Variants in PROSER3 observed in about 807,000 individuals in gnomAD.
The protein encoded by PROSER3 is proline and serine rich 3.
A neutral mutation model predicts 50.2 loss-of-function variants in PROSER3; 33 were observed. The ratio of observed to expected loss-of-function variants is 0.66; its 90% confidence interval spans 0.50 to 0.88. The LOEUF is 0.88. Among genes scored for constraint, PROSER3 ranks in the 40% least tolerant of loss-of-function variants. The probability of loss-of-function intolerance (pLI) is 0.00; values close to 1 mark genes in which losing one functional copy is unlikely to be tolerated. For synonymous variants in PROSER3, 266 were observed against 259.3 expected (o/e 1.03, Z -0.25); for missense variants, 623 against 612.7 (o/e 1.02, Z -0.18).
At chr19:35,758,407 G>C in intron 1 of PROSER3, 181 bp downstream of exon 1, 1 of 729,348 alleles carries the variant, frequency 1.4e-6, no homozygotes, top group Non-Finnish European at 2.1e-6. Flanking sequence ...TAGCATCCCG[G>C]GGGTCCCCTA....
Position 35,762,094 on chromosome 19 carries a change from CTT to C in PROSER3, c.390_391del (p.Phe130LeufsTer6). 2.5e-6 allele frequency: 4 copies of C among 1,611,048 alleles called. No individual in the cohort carries two copies. The highest frequency in any genetic ancestry group is 3.4e-6 in the Non-Finnish European group (4 of 1,177,544). ...AGCCTGCAGGCCCAACCCCAGCTGA[CTT>C]TTGGTGGCTGCAGTCTGACTCTCCA... On this transcript the variant is annotated frameshift_variant, in exon 4 of 11. Coordinates refer to ENST00000396908, the Ensembl canonical transcript of PROSER3. LOFTEE classifies it high-confidence loss of function.
intron 5 of PROSER3, among the ~76,000 whole-genome samples, chr19:35,764,581 A>C (rs1971073395): frequency 6.6e-6 from 1 of 151,806 alleles, no homozygotes; most frequent in Non-Finnish European, 1.5e-5. Flanking sequence ...GCTTGAACCC[A>C]GGAGATGGAG....
At position 35,762,134 on chromosome 19, in the gene PROSER3, C is replaced by T. The variant is rs1970973065; in HGVS notation, c.427C>T (p.Gln143Ter). 6.3e-7 allele frequency: 1 copy of T among 1,599,260 alleles called. No homozygotes were observed. The highest frequency in any genetic ancestry group is 1.1e-5 in the South Asian group (1 of 90,524). Residue 143 changes from glutamine (Q) to a stop codon, truncating the protein, a stop_gained, in exon 4 of 11, where the codon CAA (glutamine) becomes TAA (stop). Transcript: ENST00000396908. LOFTEE classifies it high-confidence loss of function. Reference sequence around the variant, plus strand: ...GTCTGACTCTCCAGACCCCAGCAGTCAAAGTGCAGCAGGTACCTCTTTCAG... The same window carrying T: ...GTCTGACTCTCCAGACCCCAGCAGTTAAAGTGCAGCAGGTACCTCTTTCAG...
At chr19:35,760,273 A>G (rs1452127618) in intron 3 of PROSER3, among the ~76,000 whole-genome samples, 1 of 152,072 alleles carries the variant, frequency 6.6e-6, no homozygotes, top group African/African-American at 2.4e-5. Context: ...GCTGGAGGTC[A>G]GTGGTACAAT....
intron 2 of PROSER3, 154 bp downstream of exon 2, chr19:35,759,624 T>C: frequency 1.0e-6 from 1 of 971,716 alleles, no homozygotes; most frequent in East Asian, 2.6e-5. Flanking sequence ...TCCCCCTCTC[T>C]ACCACCTGGA....
At chr19:35,763,621 A>G (rs1196696355) in intron 5 of PROSER3, among the ~76,000 whole-genome samples, 1 of 146,582 alleles carries the variant, frequency 6.8e-6, no homozygotes, top group Non-Finnish European at 1.5e-5. Flanking sequence ...CTCCTGCCTC[A>G]GCCTCCCGAG....
intron 1 of PROSER3, 47 bp downstream of exon 1, chr19:35,758,273 C>G: frequency 6.4e-7 from 1 of 1,552,286 alleles, no homozygotes; most frequent in Non-Finnish European, 8.7e-7. Context: ...TGGGGAGGAC[C>G]AACGGCGAGA....
At chr19:35,765,476 A>G (rs770939502) in intron 7 of PROSER3, among the ~76,000 whole-genome samples, 8 of 151,482 alleles carry the variant, frequency 5.3e-5, no homozygotes, top group Non-Finnish European at 1.2e-4. Context: ...GCTACTCAGT[A>G]GGCTGAGGCA....
At chr19:35,766,652 G>T in intron 7 of PROSER3, 116 bp from the exon 8 acceptor site, 1 of 703,502 alleles carries the variant, frequency 1.4e-6, no homozygotes. Context: ...GACAGTATCT[G>T]GAGAGCCTGT....
chr19:35,766,209 T>C (rs1337180433), intron 7 of PROSER3, among the ~76,000 whole-genome samples: 1 of 152,012 alleles, frequency 6.6e-6, no homozygotes, highest in Non-Finnish European at 1.5e-5. Context: ...TGTCTTCTGG[T>C]CACTGCTGTA....
At chr19:35,767,737 A>G (rs562709481) in intron 8 of PROSER3, 2 of 1,540,626 alleles carry the variant, frequency 1.3e-6, no homozygotes, top group African/African-American at 2.7e-5. Context: ...GATCTCCGAA[A>G]GTCCAGGCCA....
At chr19:35,768,536 A>T in exon 11 of PROSER3, 1 of 1,593,350 alleles carries the variant, frequency 6.3e-7, no homozygotes, top group Non-Finnish European at 8.5e-7. Flanking sequence ...TGGAGGCCAG[A>T]AGACTTTGAA....
At chr19:35,764,540 C>T (rs571318850) in intron 5 of PROSER3, among the ~76,000 whole-genome samples, 1 of 152,066 alleles carries the variant, frequency 6.6e-6, no homozygotes, top group Admixed American at 6.5e-5. Context: ...CCTGTAATCC[C>T]AGGTACTTGG....
intron 7 of PROSER3, 56 bp from the exon 8 acceptor site, chr19:35,766,712 G>T: frequency 7.6e-7 from 1 of 1,310,710 alleles, no homozygotes; most frequent in African/African-American, 1.5e-5. Flanking sequence ...GCTGTCCTGG[G>T]GTTGCTGATC....
At chr19:35,767,799 C>G in intron 8 of PROSER3, 1 of 1,607,694 alleles carries the variant, frequency 6.2e-7, no homozygotes, top group Non-Finnish European at 8.5e-7. Context: ...CAGTGTCGGG[C>G]CAAGGCCGAG....
intron 8 of PROSER3, 41 bp from the exon 9 acceptor site, chr19:35,767,029 ACC>A: frequency 7.4e-7 from 1 of 1,351,104 alleles, no homozygotes; most frequent in Non-Finnish European, 9.7e-7. Context: ...AGGACCCTCC[ACC>A]CTCTCTCTCT....
At chr19:35,766,730 C>G in intron 7 of PROSER3, 38 bp from the exon 8 acceptor site, 1 of 1,477,902 alleles carries the variant, frequency 6.8e-7, no homozygotes, top group Non-Finnish European at 9.2e-7. Flanking sequence ...ATCTCCCTGG[C>G]CCCTGCCTCA....
Position 35,759,971 on chromosome 19 carries a change from C to T in PROSER3, c.291C>T (p.Ser97=), listed in dbSNP as rs371738339. 4.0e-5 allele frequency: 64 copies of T among 1,598,060 alleles called. No individual in the cohort carries two copies. The African/African-American group carries it at 4.3e-4, about 11-fold the overall frequency. Residue 97 remains serine (S), a synonymous_variant, in exon 3 of 11, where the codon AGC becomes AGT. Transcript: ENST00000396908. ...CCCCAGCACCCACCCTGATTGACAG[C>T]GGGGACTCCGTGGTGGCCAAGTAAG...
exon 9 of PROSER3, chr19:35,767,842 G>C (rs781248272): frequency 1.2e-6 from 2 of 1,612,970 alleles, no homozygotes; most frequent in East Asian, 4.5e-5. Flanking sequence ...CGCCCGCAGC[G>C]GGGTCAGTGA....
Sources: allele counts gnomAD v4.1 joint callset (sites outside exome capture counted in the v4.1 genomes callset), GRCh38; gene constraint gnomAD v4.1.1; transcripts MANE v1.5; gene names NCBI Gene and HGNC (gene_info 2026-07-23, HGNC 2026-07-21).